The following ROR2 variants were observed in gnomAD, a reference collection of about 807,000 sequenced individuals.
ROR2 encodes the protein ROR family WNT receptor 2.
ROR2 carries 33 observed loss-of-function variants against 74.9 expected under a neutral mutation model. That is an observed-to-expected ratio of 0.44 (90% CI 0.33 to 0.59). The LOEUF is 0.59. Among genes scored for constraint, ROR2 ranks in the 20% least tolerant of loss-of-function variants. The pLI is 0.02. For missense variants in ROR2, 1,216 were observed against 1,313.8 expected, an observed-to-expected ratio of 0.93 and a Z score of 1.15; for synonymous variants, 586 against 558.7, an observed-to-expected ratio of 1.05 and a Z score of -0.69.
intron 1 of ROR2, among the ~76,000 whole-genome samples, chr9:91,840,495 G>A (rs1044210800): frequency 1.3e-5 from 2 of 152,176 alleles, no homozygotes; most frequent in Non-Finnish European, 1.5e-5. Flanking sequence ...GATGTCTGAC[G>A]TTTTCTTTCC....
At chr9:91,818,397 C>A (rs1483852275) in intron 1 of ROR2, among the ~76,000 whole-genome samples, 2 of 151,634 alleles carry the variant, frequency 1.3e-5, no homozygotes, top group African/African-American at 2.4e-5. Context: ...AATGCCACAC[C>A]CCCCCACAGG....
At chr9:91,865,282 A>G (rs754485816) in intron 1 of ROR2, among the ~76,000 whole-genome samples, 6 of 152,222 alleles carry the variant, frequency 3.9e-5, no homozygotes, top group Non-Finnish European at 8.8e-5. Flanking sequence ...ACTCGGTTAC[A>G]GTGACGCCTC....
At chr9:91,817,914 T>G (rs1828000638) in intron 1 of ROR2, among the ~76,000 whole-genome samples, 1 of 152,112 alleles carries the variant, frequency 6.6e-6, no homozygotes, top group African/African-American at 2.4e-5. Context: ...CTTTTGTTTA[T>G]AGCTGTTCCA....
chr9:91,859,474 G>T (rs990330451), intron 1 of ROR2, among the ~76,000 whole-genome samples: 1 of 152,082 alleles, frequency 6.6e-6, no homozygotes, highest in African/African-American at 2.4e-5. Context: ...GGTATTTTTT[G>T]GAGTGTTCCA....
At chr9:91,894,730 G>A (rs1392146244) in intron 1 of ROR2, among the ~76,000 whole-genome samples, 1 of 152,186 alleles carries the variant, frequency 6.6e-6, no homozygotes, top group Non-Finnish European at 1.5e-5. Flanking sequence ...CCTTCAGTAT[G>A]CTTAATTATT....
At chr9:91,820,320 C>G (rs1293473363) in intron 1 of ROR2, among the ~76,000 whole-genome samples, 1 of 152,170 alleles carries the variant, frequency 6.6e-6, no homozygotes, top group Non-Finnish European at 1.5e-5. Flanking sequence ...AGGATGCCCT[C>G]TACAAGTCAG....
intron 1 of ROR2, among the ~76,000 whole-genome samples, chr9:91,800,053 C>T (rs1478197046): frequency 6.6e-6 from 1 of 152,160 alleles, no homozygotes; most frequent in East Asian, 1.9e-4. Context: ...TAGAGAATAA[C>T]ATCACTGGCC....
intron 4 of ROR2, among the ~76,000 whole-genome samples, chr9:91,746,657 G>A (rs997470993): frequency 6.6e-6 from 1 of 152,088 alleles, no homozygotes; most frequent in African/African-American, 2.4e-5. Context: ...GGCTGGAGCT[G>A]GGGAGATAAG....
chr9:91,782,251 C>CTA (rs1352706567), intron 1 of ROR2, among the ~76,000 whole-genome samples: 1 of 152,224 alleles, frequency 6.6e-6, no homozygotes, highest in Admixed American at 6.5e-5. Context: ...AACAGAAATG[C>CTA]TAAGTAAAGG....
chr9:91,929,448 A>G (rs1831495112), intron 1 of ROR2, among the ~76,000 whole-genome samples: 1 of 152,214 alleles, frequency 6.6e-6, no homozygotes, highest in Non-Finnish European at 1.5e-5. Flanking sequence ...CAAGTGCATC[A>G]AGGTGTAACC....
intron 1 of ROR2, among the ~76,000 whole-genome samples, chr9:91,898,832 CG>C (rs2119424715): frequency 6.6e-6 from 1 of 152,308 alleles, no homozygotes; most frequent in Admixed American, 6.5e-5. Context: ...CAGGCAGGCC[CG>C]GCTGCCTCCA....
rs2117929329 is a variant in ROR2 at position 91,928,071 on chromosome 9, A to G, written c.97+21796T>C. On this transcript the variant is annotated intron_variant, in intron 1 of 8. Transcript: ENST00000375708. The stretch of plus-strand genomic sequence containing the variant: ...TGCAAACCAACCACCCTAGAGCCCC[A>G]CTTCCCGCCACCTCCTGCATCACAC... Among the ~76,000 whole-genome samples the G allele has an allele frequency of 2.0e-5, 3 of 151,952 alleles. No individual in the cohort carries two copies. The South Asian group carries it at 6.3e-4, about 32-fold the overall frequency.
intron 1 of ROR2, among the ~76,000 whole-genome samples, chr9:91,892,593 T>C (rs7019928): frequency 1.3e-4 from 9 of 71,156 alleles, no homozygotes; most frequent in African/African-American, 6.3e-4. Context: ...TTCTTTTCTT[T>C]TTTTTTTTTT....
intron 1 of ROR2, among the ~76,000 whole-genome samples, chr9:91,799,515 C>T (rs1365893859): frequency 6.6e-6 from 1 of 152,130 alleles, no homozygotes; most frequent in Non-Finnish European, 1.5e-5. Flanking sequence ...TGTGCTGCAC[C>T]CTCTCCCCAT....
intron 1 of ROR2, among the ~76,000 whole-genome samples, chr9:91,794,872 AG>A (rs1459366906): frequency 6.6e-6 from 1 of 152,218 alleles, no homozygotes; most frequent in African/African-American, 2.4e-5. Context: ...CTGTAATCCC[AG>A]CACTTTCGGA....
chr9:91,884,780 T>C (rs1290712306), intron 1 of ROR2, among the ~76,000 whole-genome samples: 3 of 152,110 alleles, frequency 2.0e-5, no homozygotes, highest in African/African-American at 4.8e-5. Flanking sequence ...TTTAGTCTTT[T>C]TTTTTTCTAA....
intron 1 of ROR2, among the ~76,000 whole-genome samples, chr9:91,851,227 C>CT (rs1829079239): frequency 6.6e-6 from 1 of 152,006 alleles, no homozygotes; most frequent in Non-Finnish European, 1.5e-5. Context: ...TAGCACATGC[C>CT]TGTAGTCCCA....
intron 1 of ROR2, among the ~76,000 whole-genome samples, chr9:91,807,263 G>A (rs1827599212): frequency 1.3e-5 from 2 of 152,284 alleles, no homozygotes; most frequent in African/African-American, 4.8e-5. Flanking sequence ...ACAGGGTTTG[G>A]AGAGCTTCCT....
intron 1 of ROR2, among the ~76,000 whole-genome samples, chr9:91,935,244 C>T (rs1388237006): frequency 1.3e-5 from 2 of 152,234 alleles, no homozygotes; most frequent in Non-Finnish European, 2.9e-5. Context: ...ACCAGGAAAC[C>T]TCAGAGGAGC....
Sources: gnomAD v4.1 joint callset for allele counts (sites outside exome capture counted in the v4.1 genomes callset) on GRCh38, gnomAD v4.1.1 for gene constraint, MANE v1.5 for transcripts, NCBI Gene and HGNC (gene_info 2026-07-23, HGNC 2026-07-21) for gene names.